Variants in SSMEM1 observed in about 807,000 individuals in gnomAD.
The protein encoded by SSMEM1 is serine-rich single-pass membrane protein 1.
Under a neutral mutation model 9.9 loss-of-function variants are expected in SSMEM1, and 12 were observed. That is an observed-to-expected ratio of 1.21 (90% CI 0.78 to 1.96). SSMEM1 has a LOEUF of 1.96. SSMEM1 is among the 30% of genes most tolerant of loss of function. SSMEM1 has a pLI of 0.00. For missense variants in SSMEM1, 259 were observed against 292.2 expected, an observed-to-expected ratio of 0.89 and a Z score of 0.83; for synonymous variants, 96 against 98.9, an observed-to-expected ratio of 0.97 and a Z score of 0.17.
chr7:130,205,501 GA>G, upstream of SSMEM1: 2 of 1,484,650 alleles, frequency 1.3e-6, no homozygotes, highest in Non-Finnish European at 1.9e-6. Context: ...CTCTTCTCGC[GA>G]GAAAGGGAGG....
upstream of SSMEM1, among the ~76,000 whole-genome samples, chr7:130,207,216 C>T (rs1562904687): frequency 1.3e-5 from 2 of 152,190 alleles, no homozygotes; most frequent in Admixed American, 1.3e-4. Context: ...CGCAATATCA[C>T]AGACAGGTGG....
chr7:130,205,720 C>G (rs980189349), upstream of SSMEM1, among the ~76,000 whole-genome samples: 1 of 152,156 alleles, frequency 6.6e-6, no homozygotes, highest in Non-Finnish European at 1.5e-5. Flanking sequence ...CATGTGTAAA[C>G]TGATTAAGTA....
Position 130,216,690 on chromosome 7 carries a change from A to G in SSMEM1, c.*220A>G. On this transcript the variant is annotated 3_prime_UTR_variant, in exon 3 of 3. Coordinates refer to ENST00000297819, the MANE Select transcript of SSMEM1 (RefSeq NM_145268.4). ...GGCACCATTGGAACACCAAAGATCT[A>G]TATCTGCTATGATTTTTTTATTTGA... 1 of 556,980 alleles carries G rather than the reference A, an allele frequency of 1.8e-6. No homozygotes were observed. Among genetic ancestry groups the G allele is most frequent in the Non-Finnish European group, 3.1e-6 (1 of 321,186 alleles). The allele number at this position is 556,980 out of a possible 1,614,324, so 34.5% of individuals were successfully genotyped here. A position where few individuals can be genotyped will look rare whatever the true frequency, so the allele number is the denominator to read the frequency against.
At chr7:130,208,810 A>C (rs1225987053) in intron 1 of SSMEM1, among the ~76,000 whole-genome samples, 1 of 152,216 alleles carries the variant, frequency 6.6e-6, no homozygotes, top group Non-Finnish European at 1.5e-5. Context: ...TAAGAATGAG[A>C]TATCCCACTT....
In SSMEM1 at chr7:130,216,179, G is replaced by C. The variant is rs761009204; in HGVS notation, c.444G>C (p.Thr148=). 6.8e-6 allele frequency: 11 copies of C among 1,614,160 alleles called. No individual in the cohort carries two copies. Among genetic ancestry groups the C allele is most frequent in the Non-Finnish European group, 9.3e-6 (11 of 1,180,032 alleles). The part of the protein sequence containing the change: ...VNQNQHDSDT[T]EYGSEESNSE... ...AGAACCAACATGACAGTGATACTAC[G>C]GAGTATGGCAGTGAAGAGTCTAACT... Residue 148 remains threonine, a synonymous_variant, in exon 3 of 3, where the codon ACG becomes ACC. Transcript: ENST00000297819.
Position 130,207,908 on chromosome 7 carries a change from A to G in SSMEM1, c.-3A>G, listed in dbSNP as rs1273627284. 8 of 1,613,494 alleles carry G rather than the reference A, an allele frequency of 5.0e-6. No individual in the cohort carries two copies. The East Asian group carries it at 1.8e-4, about 36-fold the overall frequency. On this transcript the variant is annotated 5_prime_UTR_variant, in exon 1 of 3. Coordinates refer to ENST00000297819, the MANE Select transcript of SSMEM1 (RefSeq NM_145268.4). ...TGGTTTATTTTCTGAGCAAGGAGTCATCATGGGAGACCTTTTTTCCTTATT... is the reference window on the plus strand; with the variant it reads ...TGGTTTATTTTCTGAGCAAGGAGTCGTCATGGGAGACCTTTTTTCCTTATT...
At chr7:130,215,160 C>T (rs977587589) in intron 2 of SSMEM1, among the ~76,000 whole-genome samples, 2 of 152,166 alleles carry the variant, frequency 1.3e-5, no homozygotes, top group South Asian at 4.1e-4. Flanking sequence ...AAAAAATTAG[C>T]TGTGCATGGT....
rs1317291007 is a variant in SSMEM1, at chr7:130,216,475, T to G, written c.*5T>G. 1 of 1,607,434 alleles carries G rather than the reference T, an allele frequency of 6.2e-7. No homozygotes were observed. Among genetic ancestry groups the G allele is most frequent in the Non-Finnish European group, 8.5e-7 (1 of 1,175,220 alleles). On this transcript the variant is annotated 3_prime_UTR_variant, in exon 3 of 3. Coordinates refer to ENST00000297819, the MANE Select transcript of SSMEM1 (RefSeq NM_145268.4). ...AAGAAATTTAGTAAATTTTGAATTT[T>G]ATCACGTTCTTCCTTCACTTGAAGC...
upstream of SSMEM1, chr7:130,207,855 T>C: frequency 6.3e-7 from 1 of 1,579,536 alleles, no homozygotes; most frequent in Admixed American, 1.7e-5. Flanking sequence ...AGTGAAGTAG[T>C]TCCCAGTCAT....
chr7:130,208,732 G>A (rs1437645718), intron 1 of SSMEM1, among the ~76,000 whole-genome samples: 1 of 152,172 alleles, frequency 6.6e-6, no homozygotes, highest in East Asian at 1.9e-4. Flanking sequence ...GAAGCAATAC[G>A]CTTTCTGCAC....
intron 1 of SSMEM1, among the ~76,000 whole-genome samples, chr7:130,209,672 T>G (rs1301737375): frequency 6.6e-6 from 1 of 152,198 alleles, no homozygotes; most frequent in Non-Finnish European, 1.5e-5. Flanking sequence ...CTCAGCCTCC[T>G]GGGTTCCAGT....
At position 130,216,069 on chromosome 7, in the gene SSMEM1, G is replaced by A. The variant is rs1263881807; in HGVS notation, c.334G>A (p.Val112Ile). The A allele has an allele frequency of 5.0e-6, 8 of 1,614,076 alleles. No individual in the cohort carries two copies. Among genetic ancestry groups the A allele is most frequent in the Non-Finnish European group, 6.8e-6 (8 of 1,180,058 alleles). The change falls in exon 3 of 3, where the codon GTA becomes ATA. Residue 112 changes from valine to isoleucine, a missense_variant. Physicochemically the swap from Val to Ile is conservative, Grantham distance 29 (BLOSUM62 3). Transcript: ENST00000297819. ...KKPKQNQLTP[V>I]TNSEVALVNA... The stretch of plus-strand genomic sequence containing the variant: ...ACCAAAGCAGAACCAACTTACCCCT[G>A]TAACCAACTCAGAAGTGGCTTTGGT...
chr7:130,216,593 A>C lies in SSMEM1; in HGVS notation c.*123A>C. The C allele has an allele frequency of 8.1e-7, 1 of 1,238,918 alleles. No individual in the cohort carries two copies. Among genetic ancestry groups the C allele is most frequent in the Non-Finnish European group, 1.1e-6 (1 of 896,822 alleles). 76.7% of individuals were successfully genotyped at this position (1,238,918 alleles called of 1,614,324 possible). On this transcript the variant is annotated 3_prime_UTR_variant, in exon 3 of 3. Transcript: ENST00000297819. ...AGTCTCTCTACCAACAAACAAAAAC[A>C]TACTTGGAACCCAAGAGGTAAAATC...
chr7:130,210,817 T>C (rs933433187), intron 1 of SSMEM1, among the ~76,000 whole-genome samples: 3 of 152,242 alleles, frequency 2.0e-5, no homozygotes, highest in Non-Finnish European at 4.4e-5. Context: ...TTTCTTTTGA[T>C]TTTGTGGCTA....
rs763621846 is a variant in SSMEM1 at position 130,215,972 on chromosome 7, A to G, written c.239-2A>G. The G allele has an allele frequency of 8.1e-6, 13 of 1,612,778 alleles. 1 individual carries two copies. The highest frequency in any genetic ancestry group is 1.7e-4 in the Middle Eastern group (1 of 6,048). On this transcript the variant is annotated splice_acceptor_variant, in intron 2 of 2. Coordinates refer to ENST00000297819, the MANE Select transcript of SSMEM1 (RefSeq NM_145268.4). LOFTEE classifies it high-confidence loss of function. ...AACTTGATATGTTTCATTGGTTGTT[A>G]GCAAGCAAAGAGACTTCCTGTAAGC...
intron 1 of SSMEM1, among the ~76,000 whole-genome samples, chr7:130,209,912 A>G (rs1038012992): frequency 2.0e-5 from 3 of 152,186 alleles, no homozygotes; most frequent in Non-Finnish European, 2.9e-5. Flanking sequence ...CCTTGCTTGC[A>G]TCAGCTCTTG....
At chr7:130,207,527 G>A (rs1201757199), upstream of SSMEM1, among the ~76,000 whole-genome samples, 1 of 152,094 alleles carries the variant, frequency 6.6e-6, no homozygotes, top group Admixed American at 6.5e-5. Context: ...CAGTTTGATC[G>A]GTAATACATT....
chr7:130,213,385 A>G (rs1437745965), intron 1 of SSMEM1, 95 bp from the exon 2 acceptor site: 2 of 884,130 alleles, frequency 2.3e-6, no homozygotes, highest in Non-Finnish European at 3.5e-6. Context: ...AAAACCAGAC[A>G]TTATAAATGG....
Position 130,216,225 on chromosome 7 carries a change from G to C in SSMEM1, c.490G>C (p.Glu164Gln), listed in dbSNP as rs983488980. 1.2e-6 allele frequency: 2 copies of C among 1,614,074 alleles called. No individual in the cohort carries two copies. Among genetic ancestry groups the C allele is most frequent in the Non-Finnish European group, 1.7e-6 (2 of 1,180,040 alleles). ...ESNSEASSWK[E>Q]SESEHHPSPD... ...TAACTCAGAAGCCTCCTCGTGGAAGGAGAGTGAAAGTGAACACCACCCATC... is the reference window on the plus strand; with the variant it reads ...TAACTCAGAAGCCTCCTCGTGGAAGCAGAGTGAAAGTGAACACCACCCATC... The change falls in exon 3 of 3, where the codon GAG becomes CAG. Residue 164 changes from glutamate (E) to glutamine (Q), a missense_variant. Transcript: ENST00000297819.
Sources: gnomAD v4.1 joint callset for allele counts (sites outside exome capture counted in the v4.1 genomes callset) on GRCh38, gnomAD v4.1.1 for gene constraint, MANE v1.5 for transcripts, NCBI Gene and HGNC (gene_info 2026-07-23, HGNC 2026-07-21) for gene names.